Variants in QDPR observed in about 807,000 individuals in gnomAD.
The protein encoded by QDPR is dihydropteridine reductase.
Under a neutral mutation model 31.7 loss-of-function variants are expected in QDPR, and 23 were observed. The ratio of observed to expected loss-of-function variants is 0.73; its 90% confidence interval spans 0.52 to 1.03. The LOEUF is 1.03. Among genes scored for constraint, QDPR ranks in the 50% least tolerant of loss-of-function variants. The probability of loss-of-function intolerance (pLI) is 0.00; values close to 1 mark genes in which losing one functional copy is unlikely to be tolerated. For missense variants in QDPR, 324 were observed against 323.8 expected, an observed-to-expected ratio of 1.00 and a Z score of 0.00; for synonymous variants, 124 against 124.7, an observed-to-expected ratio of 0.99 and a Z score of 0.03.
intron 2 of QDPR, among the ~76,000 whole-genome samples, chr4:17,505,457 G>A (rs1718753366): frequency 6.6e-6 from 1 of 152,086 alleles, no homozygotes; most frequent in South Asian, 2.1e-4. Flanking sequence ...ATGTTGGCCA[G>A]GCTTGTCTCG....
chr4:17,511,771 G>A (rs146591678), intron 1 of QDPR, among the ~76,000 whole-genome samples, 179 bp downstream of exon 1: 3 of 152,244 alleles, frequency 2.0e-5, no homozygotes, highest in African/African-American at 7.2e-5. Context: ...TGGGACTGGC[G>A]TGCGCACGCA....
intron 2 of QDPR, among the ~76,000 whole-genome samples, chr4:17,508,476 C>T (rs995913417): frequency 2.6e-5 from 4 of 152,074 alleles, no homozygotes; most frequent in Non-Finnish European, 4.4e-5. Context: ...TAGACAAAGA[C>T]GTTCATCACA....
intron 1 of QDPR, chr4:17,509,933 C>T (rs1718945627): frequency 4.4e-6 from 2 of 456,110 alleles, no homozygotes; most frequent in Non-Finnish European, 8.8e-6. Context: ...ATCACAATTA[C>T]CTTAGGCTTT....
chr4:17,492,763 T>C (rs1223761947), intron 4 of QDPR, among the ~76,000 whole-genome samples: 1 of 152,208 alleles, frequency 6.6e-6, no homozygotes, highest in African/African-American at 2.4e-5. Flanking sequence ...GTTGATCTTA[T>C]TTTTATTCTT....
chr4:17,497,366 C>A (rs188753063), intron 4 of QDPR, among the ~76,000 whole-genome samples: 54 of 151,828 alleles, frequency 3.6e-4, no homozygotes, highest in African/African-American at 1.2e-3. Context: ...TTTCCAAGAC[C>A]CTGTTTGAAT....
At chr4:17,510,329 T>C (rs889108404) in intron 1 of QDPR, among the ~76,000 whole-genome samples, 2 of 152,194 alleles carry the variant, frequency 1.3e-5, no homozygotes, top group Non-Finnish European at 2.9e-5. Context: ...AGAGGTTGTT[T>C]GTTGATGATT....
intron 4 of QDPR, among the ~76,000 whole-genome samples, chr4:17,496,442 CAAAAAAAA>C (rs747311750): frequency 2.5e-4 from 16 of 64,608 alleles, no homozygotes; most frequent in South Asian, 9.3e-4. Context: ...AAAACTGTCT[CAAAAAAAA>C]AAAAAAAAAA....
chr4:17,496,842 C>A (rs996187551), intron 4 of QDPR, among the ~76,000 whole-genome samples: 4 of 152,016 alleles, frequency 2.6e-5, no homozygotes, highest in African/African-American at 9.7e-5. Context: ...CTGCAACCAC[C>A]GCCTCCCAGG....
intron 2 of QDPR, among the ~76,000 whole-genome samples, chr4:17,505,377 G>T (rs1346848251): frequency 6.6e-6 from 1 of 151,322 alleles, no homozygotes; most frequent in Admixed American, 6.6e-5. Flanking sequence ...TTCCTGAGTA[G>T]CCGGGATTAC....
rs1367771341 is a variant in QDPR, at chr4:17,501,737, C to A, written c.418G>T (p.Ala140Ser). The A allele has an allele frequency of 6.2e-7, 1 of 1,614,016 alleles. No homozygotes were observed. The highest frequency in any genetic ancestry group is 2.2e-5 in the East Asian group (1 of 44,882). Reference sequence around the variant, plus strand: ...GGCTTACCAGGAGTCCCATCCAGGGCAGCCTTTGCGCCAGCCAAGGTCAGG... The same window carrying A: ...GGCTTACCAGGAGTCCCATCCAGGGAAGCCTTTGCGCCAGCCAAGGTCAGG... ...GLLTLAGAKA[A>S]LDGTPGMIGY... Residue 140 changes from alanine (A) to serine (S), a missense_variant, in exon 4 of 7, where the codon GCC becomes TCC. Transcript: ENST00000281243.
At chr4:17,508,607 C>G (rs947698381) in intron 2 of QDPR, among the ~76,000 whole-genome samples, 5 of 145,480 alleles carry the variant, frequency 3.4e-5, no homozygotes, top group Non-Finnish European at 6.0e-5. Flanking sequence ...GAGGTTTTTT[C>G]AGTAATCTGG....
At chr4:17,501,943 G>C in intron 3 of QDPR, 84 bp from the exon 4 acceptor site, 1 of 1,575,078 alleles carries the variant, frequency 6.3e-7, no homozygotes. Flanking sequence ...CACACTCAGG[G>C]AGGCCCTCCC....
intron 4 of QDPR, among the ~76,000 whole-genome samples, chr4:17,493,806 C>G (rs980568958): frequency 1.3e-5 from 2 of 152,118 alleles, no homozygotes; most frequent in Admixed American, 6.6e-5. Context: ...GTAGGTGGAG[C>G]TGAAAGTTCT....
At chr4:17,490,035 C>T (rs1347509895) in intron 6 of QDPR, 1 of 162,350 alleles carries the variant, frequency 6.2e-6, no homozygotes, top group East Asian at 1.7e-4. Flanking sequence ...ACTAGAGGGG[C>T]TTGAGGAACT....
chr4:17,487,376 G>C (rs1336114693), intron 6 of QDPR, 140 bp from the exon 7 acceptor site: 1 of 704,226 alleles, frequency 1.4e-6, no homozygotes, highest in Non-Finnish European at 2.5e-6. Flanking sequence ...AGGGCTGGGC[G>C]CCATGGCTCA....
intron 1 of QDPR, among the ~76,000 whole-genome samples, chr4:17,509,730 GAAAA>G (rs1718935184): frequency 6.6e-6 from 1 of 151,934 alleles, no homozygotes; most frequent in Non-Finnish European, 1.5e-5. Flanking sequence ...AAAAGAAAAA[GAAAA>G]AGAAAGAAAA....
chr4:17,497,612 T>C (rs1718412548), intron 4 of QDPR, among the ~76,000 whole-genome samples: 1 of 152,200 alleles, frequency 6.6e-6, no homozygotes, highest in African/African-American at 2.4e-5. Flanking sequence ...AATCTGCTAC[T>C]AACTAGCTAG....
At chr4:17,487,287 G>A in intron 6 of QDPR, 51 bp from the exon 7 acceptor site, 1 of 1,435,154 alleles carries the variant, frequency 7.0e-7, no homozygotes, top group South Asian at 1.2e-5. Context: ...AAAAATCTGG[G>A]CACATGCTGA....
At chr4:17,501,911 G>C (rs768123043) in intron 3 of QDPR, 52 bp from the exon 4 acceptor site, 1 of 1,611,806 alleles carries the variant, frequency 6.2e-7, no homozygotes, top group East Asian at 2.2e-5. Context: ...AAACCAAAAG[G>C]TGAGCTCAAC....
Sources: allele counts gnomAD v4.1 joint callset (sites outside exome capture counted in the v4.1 genomes callset), GRCh38; gene constraint gnomAD v4.1.1; transcripts MANE v1.5; gene names NCBI Gene and HGNC (gene_info 2026-07-23, HGNC 2026-07-21).